Variants in NUAK1 observed in about 807,000 individuals in gnomAD.
The protein encoded by NUAK1 is NUAK family kinase 1, also known as NUAK family SNF1-like kinase 1.
Under a neutral mutation model 56.9 loss-of-function variants are expected in NUAK1, and 26 were observed. The observed-to-expected ratio is 0.46, with a 90% confidence interval of 0.33 to 0.63. NUAK1 has a LOEUF of 0.63. NUAK1 is among the 30% of genes least tolerant of loss of function. The pLI, the probability that NUAK1 is intolerant of heterozygous loss-of-function variation, is 0.02. For synonymous variants in NUAK1, 337 were observed against 336.0 expected (o/e 1.00, Z -0.03); for missense variants, 727 against 876.1 (o/e 0.83, Z 2.15).
At chr12:106,106,341 G>C in intron 2 of NUAK1, 64 bp downstream of exon 2, 1 of 1,442,960 alleles carries the variant, frequency 6.9e-7, no homozygotes, top group South Asian at 1.3e-5. Flanking sequence ...CAAAGTCTTG[G>C]CAGGCCCCAT....
intron 1 of NUAK1, among the ~76,000 whole-genome samples, chr12:106,123,491 T>G (rs1006575902): frequency 4.6e-5 from 7 of 152,160 alleles, no homozygotes; most frequent in African/African-American, 1.4e-4. Flanking sequence ...TATTAGACAG[T>G]GCAGGTCGAG....
chr12:106,084,205 G>C (rs1010550903), intron 3 of NUAK1, among the ~76,000 whole-genome samples: 2 of 152,166 alleles, frequency 1.3e-5, no homozygotes, highest in African/African-American at 2.4e-5. Flanking sequence ...TAAAACAGCA[G>C]GGGGATTCTT....
intron 3 of NUAK1, among the ~76,000 whole-genome samples, chr12:106,085,499 T>G (rs75842026): frequency 0.023 from 3,467 of 152,298 alleles, 133 homozygotes; most frequent in African/African-American, 0.08. Context: ...TGACTCTGTT[T>G]TGGATGCCCT....
intron 4 of NUAK1, 147 bp from the exon 5 acceptor site, chr12:106,072,990 G>T: frequency 1.2e-6 from 1 of 820,626 alleles, no homozygotes; most frequent in Non-Finnish European, 1.9e-6. Context: ...CTCCAGCCCT[G>T]AGTCTTCATA....
In NUAK1 at chr12:106,106,296, A is replaced by G. The variant is rs553612241; in HGVS notation, c.361+109T>C. On this transcript the variant is annotated intron_variant, in intron 2 of 6. Coordinates refer to ENST00000261402, the MANE Select transcript of NUAK1 (RefSeq NM_014840.3). The stretch of plus-strand genomic sequence containing the variant: ...CCGACTATTTTTGCATCATGAGGAA[A>G]AATACTTGGCTTCTGCCCAGAAGGG... The G allele has an allele frequency of 2.9e-6, 3 of 1,022,612 alleles. No individual in the cohort carries two copies. In the African/African-American group the frequency reaches 4.9e-5, roughly 17 times the overall value. 63.3% of individuals were successfully genotyped at this position (1,022,612 alleles called of 1,614,324 possible). A position where few individuals can be genotyped will look rare whatever the true frequency, so the allele number is the denominator to read the frequency against.
chr12:106,120,164 T>C (rs1318751196), intron 1 of NUAK1, among the ~76,000 whole-genome samples: 1 of 152,096 alleles, frequency 6.6e-6, no homozygotes, highest in Non-Finnish European at 1.5e-5. Flanking sequence ...CTACCCACCC[T>C]CATCTCAGCC....
intron 5 of NUAK1, among the ~76,000 whole-genome samples, chr12:106,071,791 C>T (rs1436234403): frequency 2.0e-5 from 3 of 152,222 alleles, no homozygotes; most frequent in African/African-American, 7.2e-5. Flanking sequence ...TCCTCCCTCA[C>T]ATTCTTATTT....
At chr12:106,087,980 C>A (rs2032592372) in intron 2 of NUAK1, among the ~76,000 whole-genome samples, 2 of 152,204 alleles carry the variant, frequency 1.3e-5, no homozygotes, top group South Asian at 4.1e-4. Context: ...CTCACTCAAC[C>A]TCCACACCAC....
Position 106,066,909 on chromosome 12 carries a change from G to T in NUAK1, c.1879C>A (p.Arg627=), listed in dbSNP as rs775916862. The T allele has an allele frequency of 6.2e-7, 1 of 1,614,096 alleles. No individual in the cohort carries two copies. Among genetic ancestry groups the T allele is most frequent in the African/African-American group, 1.3e-5 (1 of 74,948 alleles). ...QNRPRPQYLK[R]YRNRLADSSF... ...CTGTCTGCCAGCCGGTTCCGGTACC[G>T]CTTCAGGTACTGGGGCCGGGGCCGG... The change falls in exon 7 of 7, where the codon CGG becomes AGG. Residue 627 remains arginine (R), a synonymous_variant. Transcript: ENST00000261402.
At chr12:106,085,369 T>G (rs1020952845) in intron 3 of NUAK1, among the ~76,000 whole-genome samples, 2 of 152,218 alleles carry the variant, frequency 1.3e-5, no homozygotes, top group Non-Finnish European at 2.9e-5. Context: ...AATGTTCACA[T>G]GAGTTAAGGG....
intron 1 of NUAK1, among the ~76,000 whole-genome samples, chr12:106,121,636 G>A (rs2136479860): frequency 6.6e-6 from 1 of 152,298 alleles, no homozygotes; most frequent in South Asian, 2.1e-4. Flanking sequence ...TGCAATCCCA[G>A]CTACTTGGGT....
At chr12:106,115,667 C>T (rs1439598053) in intron 1 of NUAK1, among the ~76,000 whole-genome samples, 1 of 152,254 alleles carries the variant, frequency 6.6e-6, no homozygotes, top group Non-Finnish European at 1.5e-5. Flanking sequence ...GCTCCACAAG[C>T]CTGCCTGCTG....
intron 1 of NUAK1, among the ~76,000 whole-genome samples, chr12:106,116,904 G>C (rs950030460): frequency 6.6e-6 from 1 of 152,208 alleles, no homozygotes; most frequent in Non-Finnish European, 1.5e-5. Context: ...GGGCTGGGAG[G>C]CATGTCCCTA....
At chr12:106,071,282 C>T (rs951771660) in intron 5 of NUAK1, among the ~76,000 whole-genome samples, 1 of 152,216 alleles carries the variant, frequency 6.6e-6, no homozygotes, top group African/African-American at 2.4e-5. Context: ...AGAGGCCCTG[C>T]CCCAGTGACG....
intron 4 of NUAK1, among the ~76,000 whole-genome samples, chr12:106,075,318 C>CAGAG (rs1555222949): frequency 6.8e-6 from 1 of 146,744 alleles, no homozygotes; most frequent in Non-Finnish European, 1.5e-5. Context: ...CACACACACA[C>CAGAG]AGAGAGAGAG....
intron 6 of NUAK1, among the ~76,000 whole-genome samples, chr12:106,070,081 C>T (rs905510709): frequency 1.3e-5 from 2 of 152,140 alleles, no homozygotes; most frequent in Non-Finnish European, 2.9e-5. Context: ...GAAAGCTCGG[C>T]AACTTTTTAT....
At chr12:106,111,435 G>T (rs1483122338) in intron 1 of NUAK1, among the ~76,000 whole-genome samples, 1 of 152,110 alleles carries the variant, frequency 6.6e-6, no homozygotes, top group Non-Finnish European at 1.5e-5. Context: ...GCGTGGCAGA[G>T]AGTCTGGGCA....
intron 1 of NUAK1, among the ~76,000 whole-genome samples, chr12:106,119,160 T>C (rs1592861121): frequency 6.6e-6 from 1 of 152,236 alleles, no homozygotes; most frequent in Non-Finnish European, 1.5e-5. Context: ...GGTAGGTTTT[T>C]CCTGGTTTTA....
chr12:106,115,471 C>A (rs2032906613), intron 1 of NUAK1, among the ~76,000 whole-genome samples: 2 of 152,306 alleles, frequency 1.3e-5, no homozygotes, highest in Middle Eastern at 6.8e-3. Flanking sequence ...AGGCTGCAGT[C>A]CGTCCCCCAA....
Sources: gnomAD v4.1 joint callset for allele counts (sites outside exome capture counted in the v4.1 genomes callset) on GRCh38, gnomAD v4.1.1 for gene constraint, MANE v1.5 for transcripts, NCBI Gene and HGNC (gene_info 2026-07-23, HGNC 2026-07-21) for gene names.